The following AGBL4 variants were observed in gnomAD, a reference collection of about 807,000 sequenced individuals.
AGBL4 encodes cytosolic carboxypeptidase 6.
In AGBL4, 58 loss-of-function variants were observed where a neutral mutation model predicts 66.4. That is an observed-to-expected ratio of 0.87 (90% CI 0.71 to 1.09). The LOEUF (loss-of-function observed/expected upper bound fraction) is 1.09. AGBL4 is among the 50% of genes least tolerant of loss of function. The pLI is 0.00. For synonymous variants in AGBL4, 234 were observed against 222.9 expected, an observed-to-expected ratio of 1.05 and a Z score of -0.44; for missense variants, 579 against 631.0, an observed-to-expected ratio of 0.92 and a Z score of 0.88.
chr1:49,953,356 G>A (rs1195368823), intron 1 of AGBL4, among the ~76,000 whole-genome samples: 4 of 151,830 alleles, frequency 2.6e-5, no homozygotes, highest in Non-Finnish European at 2.9e-5. Flanking sequence ...ACACTTCTTT[G>A]ATTAAATGGG....
intron 6 of AGBL4, among the ~76,000 whole-genome samples, chr1:48,769,526 A>AACACACACAC (rs558937968): frequency 0.021 from 2,676 of 130,242 alleles, 43 homozygotes; most frequent in African/African-American, 0.034. Context: ...GAGGATTTAA[A>AACACACACAC]ACACACACAC....
intron 4 of AGBL4, among the ~76,000 whole-genome samples, chr1:49,200,644 G>T (rs1238685830): frequency 6.6e-6 from 1 of 152,144 alleles, no homozygotes; most frequent in East Asian, 1.9e-4. Flanking sequence ...GAGAGAAACA[G>T]ATTTACTCAT....
chr1:49,726,232 A>C (rs1388296794), intron 2 of AGBL4, among the ~76,000 whole-genome samples: 4 of 152,172 alleles, frequency 2.6e-5, no homozygotes, highest in Admixed American at 2.0e-4. Flanking sequence ...AAAATCACAG[A>C]TATGTTAACT....
At chr1:49,387,990 A>C (rs1644769310) in intron 3 of AGBL4, among the ~76,000 whole-genome samples, 1 of 152,066 alleles carries the variant, frequency 6.6e-6, no homozygotes, top group Admixed American at 6.6e-5. Flanking sequence ...CATGGATATA[A>C]GATGCCCAAT....
chr1:49,686,826 G>A (rs1418228757), intron 3 of AGBL4, among the ~76,000 whole-genome samples: 1 of 152,170 alleles, frequency 6.6e-6, no homozygotes. Context: ...CTGAAACAGA[G>A]GGAGTATAAA....
chr1:48,765,439 A>C (rs1300667978), intron 6 of AGBL4, among the ~76,000 whole-genome samples: 1 of 152,226 alleles, frequency 6.6e-6, no homozygotes, highest in Non-Finnish European at 1.5e-5. Flanking sequence ...GAATGTAAAG[A>C]TATTGGAACT....
intron 2 of AGBL4, among the ~76,000 whole-genome samples, chr1:49,773,803 G>T (rs1342060508): frequency 6.6e-6 from 1 of 152,178 alleles, no homozygotes; most frequent in Non-Finnish European, 1.5e-5. Context: ...CTCAAGCCAA[G>T]AATGGGTGCA....
chr1:49,927,409 GA>G (rs1303225841), intron 1 of AGBL4, among the ~76,000 whole-genome samples: 9 of 152,160 alleles, frequency 5.9e-5, no homozygotes, highest in African/African-American at 2.2e-4. Flanking sequence ...AGGCAAAGAA[GA>G]AGCAGGCACC....
intron 4 of AGBL4, among the ~76,000 whole-genome samples, chr1:49,070,620 T>G (rs1265015460): frequency 6.6e-6 from 1 of 152,004 alleles, no homozygotes; most frequent in East Asian, 1.9e-4. Context: ...GATGTGCTGC[T>G]GGATTTGGTT....
At chr1:49,832,463 G>C (rs1480515806) in intron 2 of AGBL4, among the ~76,000 whole-genome samples, 2 of 150,680 alleles carry the variant, frequency 1.3e-5, no homozygotes, top group African/African-American at 4.9e-5. Context: ...ACATACGTGT[G>C]CATGTGTCTT....
intron 5 of AGBL4, among the ~76,000 whole-genome samples, chr1:48,963,715 C>T (rs1313694494): frequency 6.6e-6 from 1 of 152,088 alleles, no homozygotes; most frequent in African/African-American, 2.4e-5. Context: ...TGTGGCTCAT[C>T]AAGTGGCCAT....
At chr1:49,511,003 G>C (rs1476129018) in intron 3 of AGBL4, among the ~76,000 whole-genome samples, 2 of 151,804 alleles carry the variant, frequency 1.3e-5, no homozygotes, top group African/African-American at 2.4e-5. Context: ...AGTATAGTTT[G>C]AAGTCAGGTA....
rs372579286 is a variant in AGBL4, at chr1:49,556,928, C to G, written c.282+140385G>C. ...GTGCTGGGGGACCCGGCGCACCCTC[C>G]GCAGATGCTGGCCCAGGTGCTAAGC... On this transcript the variant is annotated intron_variant, in intron 3 of 13. Transcript: ENST00000371839. Among the ~76,000 whole-genome samples the G allele has an allele frequency of 1.9e-3, 285 of 152,232 alleles. 3 individuals are homozygous for G. Among genetic ancestry groups the G allele is most frequent in the African/African-American group, 6.5e-3 (269 of 41,560 alleles).
intron 1 of AGBL4, among the ~76,000 whole-genome samples, chr1:49,974,224 G>T (rs990971802): frequency 6.6e-6 from 1 of 151,868 alleles, no homozygotes; most frequent in Admixed American, 6.6e-5. Context: ...CTCAATGAGG[G>T]GAAACAGAAG....
chr1:49,292,328 G>A (rs1644556103), intron 3 of AGBL4, among the ~76,000 whole-genome samples: 1 of 152,234 alleles, frequency 6.6e-6, no homozygotes, highest in African/African-American at 2.4e-5. Context: ...GCAGGAGGCA[G>A]ACAGGTTCCT....
chr1:49,447,425 C>T (rs1434166214), intron 3 of AGBL4, among the ~76,000 whole-genome samples: 1 of 152,142 alleles, frequency 6.6e-6, no homozygotes, highest in Non-Finnish European at 1.5e-5. Flanking sequence ...TCTGAGTAGA[C>T]ACAGGAAAGT....
At chr1:49,013,210 A>G (rs1571230887) in intron 5 of AGBL4, among the ~76,000 whole-genome samples, 1 of 152,240 alleles carries the variant, frequency 6.6e-6, no homozygotes, top group East Asian at 1.9e-4. Flanking sequence ...CAAAGAGATG[A>G]GTGTTTGTAG....
intron 4 of AGBL4, among the ~76,000 whole-genome samples, chr1:49,162,931 C>T (rs1458791413): frequency 6.6e-6 from 1 of 152,080 alleles, no homozygotes; most frequent in Non-Finnish European, 1.5e-5. Context: ...AAAAGCAATT[C>T]AGTAACATGT....
chr1:49,009,579 A>G (rs1464554519), intron 5 of AGBL4, among the ~76,000 whole-genome samples: 2 of 152,146 alleles, frequency 1.3e-5, no homozygotes, highest in Admixed American at 1.3e-4. Context: ...CAACCAAAAA[A>G]GAGAATTTTA....
Sources: allele counts gnomAD v4.1 joint callset (sites outside exome capture counted in the v4.1 genomes callset), GRCh38; gene constraint gnomAD v4.1.1; transcripts MANE v1.5; gene names NCBI Gene and HGNC (gene_info 2026-07-23, HGNC 2026-07-21).